Variants in ELL observed in about 807,000 individuals in gnomAD.
The protein encoded by ELL is RNA polymerase II elongation factor ELL.
In ELL, 18 loss-of-function variants were observed where a neutral mutation model predicts 64.0. The observed-to-expected ratio is 0.28, with a 90% CI of 0.19 to 0.42. The LOEUF is 0.42. ELL is among the 10% of genes least tolerant of loss of function. ELL has a pLI of 1.00. For missense variants in ELL, 797 were observed against 870.4 expected, an observed-to-expected ratio of 0.92 and a Z score of 1.06; for synonymous variants, 399 against 376.2, an observed-to-expected ratio of 1.06 and a Z score of -0.70.
At chr19:18,477,945 T>TGA (rs1975214348) in intron 1 of ELL, among the ~76,000 whole-genome samples, 1 of 151,854 alleles carries the variant, frequency 6.6e-6, no homozygotes, top group Non-Finnish European at 1.5e-5. Flanking sequence ...TAGATGGTGA[T>TGA]GAGAACACAA....
At chr19:18,519,122 G>A (rs539560609) in intron 1 of ELL, among the ~76,000 whole-genome samples, 57 of 151,988 alleles carry the variant, frequency 3.8e-4, no homozygotes, top group African/African-American at 1.3e-3. Flanking sequence ...CAGCACTTTG[G>A]GAGGCCGAGG....
In ELL at chr19:18,461,566, G is replaced by A; in HGVS notation, c.744+12C>T. 1 of 1,589,756 alleles carries A rather than the reference G, an allele frequency of 6.3e-7. No individual in the cohort carries two copies. The highest frequency in any genetic ancestry group is 8.5e-7 in the Non-Finnish European group (1 of 1,172,840). On this transcript the variant is annotated intron_variant, in intron 5 of 11. Transcript: ENST00000262809. The stretch of plus-strand genomic sequence containing the variant: ...ACCACTGGTAAAGACAAGACATCGG[G>A]GCGGCACCCACCTGCTGGAGGAGGC...
At chr19:18,454,025 G>C (rs924490515) in intron 6 of ELL, among the ~76,000 whole-genome samples, 1 of 152,174 alleles carries the variant, frequency 6.6e-6, no homozygotes, top group African/African-American at 2.4e-5. Context: ...GGAGGGAATG[G>C]GGAGAATGAC....
chr19:18,454,919 C>T lies in ELL; in HGVS notation c.870-3271G>A, dbSNP rs892888610. Among the ~76,000 whole-genome samples, 4 of 149,948 alleles carry T rather than the reference C, an allele frequency of 2.7e-5. No homozygotes were observed. In the East Asian group the frequency reaches 7.9e-4, roughly 29 times the overall value. On this transcript the variant is annotated intron_variant, in intron 6 of 11. Coordinates refer to ENST00000262809, the MANE Select transcript of ELL (RefSeq NM_006532.4). ...AACCCAGCACTTTGGAAGGCTGAGG[C>T]CCTTGAGGTCAGGAGTTTGAGACAA...
intron 1 of ELL, among the ~76,000 whole-genome samples, chr19:18,509,593 GCACATACACACA>G (rs1254218412): frequency 0.019 from 1,593 of 83,246 alleles, 91 homozygotes; most frequent in Middle Eastern, 0.037. Flanking sequence ...GCGCGCGCGC[GCACATACACACA>G]CACACACACA....
intron 6 of ELL, 50 bp from the exon 7 acceptor site, chr19:18,451,698 G>A: frequency 7.0e-7 from 1 of 1,421,198 alleles, no homozygotes; most frequent in Non-Finnish European, 9.2e-7. Flanking sequence ...GGGGCCTAGG[G>A]GCCCCAGGCC....
At chr19:18,489,561 C>A (rs962249446) in intron 1 of ELL, among the ~76,000 whole-genome samples, 1 of 152,132 alleles carries the variant, frequency 6.6e-6, no homozygotes, top group African/African-American at 2.4e-5. Flanking sequence ...GAATCTTACC[C>A]AAGTATCTAT....
At chr19:18,508,119 C>T (rs974988947) in intron 1 of ELL, among the ~76,000 whole-genome samples, 1 of 152,142 alleles carries the variant, frequency 6.6e-6, no homozygotes, top group South Asian at 2.1e-4. Flanking sequence ...GACTCCCATG[C>T]GGGCTGAGAA....
In ELL at chr19:18,501,540, T is replaced by A. The variant is rs1369522125; in HGVS notation, c.135+20381A>T. On this transcript the variant is annotated intron_variant, in intron 1 of 11. Coordinates refer to ENST00000262809, the MANE Select transcript of ELL (RefSeq NM_006532.4). The surrounding 1 kb of genome is among the most constrained non-coding windows in gnomAD (Gnocchi z 4.5). ...CCACTGGCAGAAGGGAGCAAGACAC[T>A]GGTCCACGGCACAGCCAGCTCAGAG... 6.6e-6 allele frequency among the ~76,000 whole-genome samples: 1 copy of A among 152,034 alleles called. No individual in the cohort carries two copies. The highest frequency in any genetic ancestry group is 1.5e-5 in the Non-Finnish European group (1 of 68,004).
chr19:18,453,202 A>C (rs1157491987), intron 6 of ELL, among the ~76,000 whole-genome samples: 1 of 152,254 alleles, frequency 6.6e-6, no homozygotes, highest in Non-Finnish European at 1.5e-5. Flanking sequence ...TGAACCCGGG[A>C]GGCGGAGGTT....
In ELL at chr19:18,458,342, G is replaced by C; in HGVS notation, c.745-13C>G. 3.1e-6 allele frequency: 5 copies of C among 1,606,214 alleles called. No homozygotes were observed. The highest frequency in any genetic ancestry group is 4.3e-6 in the Non-Finnish European group (5 of 1,175,240). ...TCATGTTGGCCACCTGCAAGACAGAGCCAGCCATCACTTTGTGGGAATCCT... is the reference window on the plus strand; with the variant it reads ...TCATGTTGGCCACCTGCAAGACAGACCCAGCCATCACTTTGTGGGAATCCT... On this transcript the variant is annotated splice_polypyrimidine_tract_variant and intron_variant, in intron 5 of 11. Transcript: ENST00000262809.
At chr19:18,509,599 A>AGCGCGCGCGCGCGCG (rs1568399753) in intron 1 of ELL, among the ~76,000 whole-genome samples, 3 of 9,538 alleles carry the variant, frequency 3.1e-4, no homozygotes, top group Admixed American at 1.2e-3. Context: ...GCGCGCACAT[A>AGCGCGCGCGCGCGCG]CACACACACA....
intron 5 of ELL, among the ~76,000 whole-genome samples, chr19:18,461,132 C>T (rs1974803570): frequency 6.6e-6 from 1 of 152,210 alleles, no homozygotes; most frequent in Non-Finnish European, 1.5e-5. Flanking sequence ...TGGTCTGAGA[C>T]GTGAAGCCCC....
At position 18,445,222 on chromosome 19, in the gene ELL, A is replaced by G; in HGVS notation, c.1749+2T>C. On this transcript the variant is annotated splice_donor_variant, in intron 11 of 11. Coordinates refer to ENST00000262809, the MANE Select transcript of ELL (RefSeq NM_006532.4). LOFTEE classifies it high-confidence loss of function. ...GCCCACCCCAACACAAGAGACACTC[A>G]CCTTTTTGATTTTTCGATATTCCTG... The G allele has an allele frequency of 1.9e-6, 3 of 1,614,010 alleles. No individual in the cohort carries two copies. Among genetic ancestry groups the G allele is most frequent in the Non-Finnish European group, 2.5e-6 (3 of 1,180,008 alleles).
At chr19:18,462,865 A>G (rs1560119) in intron 4 of ELL, among the ~76,000 whole-genome samples, 70,789 of 152,016 alleles carry the variant, frequency 0.47, 19,082 homozygotes, top group African/African-American at 0.76. Flanking sequence ...GAAGACCCTG[A>G]GGTGCAAGTG....
At chr19:18,494,068 A>T (rs562166670) in intron 1 of ELL, among the ~76,000 whole-genome samples, 17 of 151,172 alleles carry the variant, frequency 1.1e-4, no homozygotes, top group African/African-American at 4.1e-4. Context: ...TTCCAACCTC[A>T]CTCCTCCTCT....
chr19:18,471,060 A>G (rs2144928200), intron 2 of ELL: 1 of 448,522 alleles, frequency 2.2e-6, no homozygotes, highest in East Asian at 7.0e-5. Context: ...TGATTTAGGT[A>G]CAACATGGTA....
intron 1 of ELL, among the ~76,000 whole-genome samples, chr19:18,476,447 G>A (rs1975177551): frequency 6.6e-6 from 1 of 152,148 alleles, no homozygotes; most frequent in East Asian, 1.9e-4. Context: ...GGCTGAGGGT[G>A]ACAGGCCTTG....
intron 10 of ELL, among the ~76,000 whole-genome samples, chr19:18,445,562 G>A (rs1162455793): frequency 6.7e-6 from 1 of 149,746 alleles, no homozygotes; most frequent in East Asian, 2.0e-4. Flanking sequence ...GGGGTGGGGG[G>A]GTGCAGCAAA....
Sources: gnomAD v4.1 joint callset for allele counts (sites outside exome capture counted in the v4.1 genomes callset) on GRCh38, gnomAD v4.1.1 for gene constraint, Gnocchi (gnomAD v3.1) non-coding constraint, MANE v1.5 for transcripts, NCBI Gene and HGNC (gene_info 2026-07-23, HGNC 2026-07-21) for gene names.